DLG2: variants seen among roughly 807,000 people sequenced by gnomAD.
DLG2 encodes discs large MAGUK scaffold protein 2, also known as disks large homolog 2.
A neutral mutation model predicts 132.5 loss-of-function variants in DLG2; 45 were observed. That is an observed-to-expected ratio of 0.34 (90% confidence interval 0.27 to 0.44). The LOEUF (loss-of-function observed/expected upper bound fraction) is 0.44. Ranked by LOEUF, DLG2 falls within the 20% of genes least tolerant of loss-of-function variation. The probability of loss-of-function intolerance (pLI) is 1.00; values close to 1 mark genes in which losing one functional copy is unlikely to be tolerated. For missense variants in DLG2, 1,045 were observed against 1,196.9 expected, an observed-to-expected ratio of 0.87 and a Z score of 1.87; for synonymous variants, 424 against 419.6, an observed-to-expected ratio of 1.01 and a Z score of -0.13.
Position 84,281,425 on chromosome 11 carries a change from CT to C in DLG2, c.520-30135del, listed in dbSNP as rs201367147. Among the ~76,000 whole-genome samples, 1,358 of 151,122 alleles carry C rather than the reference CT, an allele frequency of 9.0e-3. 19 individuals are homozygous for C. The highest frequency in any genetic ancestry group is 0.031 in the African/African-American group (1,279 of 41,192). ...ACTTGTTTCTAAAAAACAAATAACT[CT>C]TTTTTTTTGTCTTTTTTTAAAATTA... is the stretch of plus-strand genomic sequence containing the variant. On this transcript the variant is annotated intron_variant, in intron 7 of 27. Coordinates refer to ENST00000376104, the MANE Select transcript of DLG2 (RefSeq NM_001142699.3).
chr11:84,704,128 C>T (rs576835447), intron 6 of DLG2, among the ~76,000 whole-genome samples: 2 of 151,156 alleles, frequency 1.3e-5, no homozygotes, highest in African/African-American at 2.4e-5. Flanking sequence ...CACTTGAAGA[C>T]AAGTCTTCAG....
At chr11:84,277,799 A>T (rs992452308) in intron 7 of DLG2, among the ~76,000 whole-genome samples, 2 of 152,214 alleles carry the variant, frequency 1.3e-5, no homozygotes, top group Non-Finnish European at 1.5e-5. Flanking sequence ...ACACTCTAGC[A>T]AGACTGATTA....
intron 19 of DLG2, among the ~76,000 whole-genome samples, chr11:83,579,805 C>G (rs1565893041): frequency 6.6e-6 from 1 of 151,722 alleles, no homozygotes; most frequent in Admixed American, 6.6e-5. Flanking sequence ...CCCGTCTCCA[C>G]TAAAAATACA....
chr11:85,450,510 C>T (rs1223541417), intron 3 of DLG2, among the ~76,000 whole-genome samples: 1 of 152,054 alleles, frequency 6.6e-6, no homozygotes, highest in Non-Finnish European at 1.5e-5. Flanking sequence ...TCTTTTTTGG[C>T]CCCCACAGAC....
chr11:83,791,139 C>G (rs1308381972), intron 17 of DLG2: 2 of 653,244 alleles, frequency 3.1e-6, no homozygotes, highest in Non-Finnish European at 5.5e-6. Context: ...CACGTCTCCT[C>G]AGAGTTTGTG....
At chr11:83,894,242 A>T (rs1326518607) in intron 15 of DLG2, among the ~76,000 whole-genome samples, 1 of 152,224 alleles carries the variant, frequency 6.6e-6, no homozygotes, top group Non-Finnish European at 1.5e-5. Context: ...TACAAATAGG[A>T]AGCAAGCCCA....
At chr11:84,917,030 A>T (rs1480337826) in intron 6 of DLG2, among the ~76,000 whole-genome samples, 1 of 152,184 alleles carries the variant, frequency 6.6e-6, no homozygotes, top group African/African-American at 2.4e-5. Context: ...TCCTTCCATG[A>T]TTTTTTGACT....
intron 14 of DLG2, among the ~76,000 whole-genome samples, chr11:83,957,026 G>A (rs1476316009): frequency 2.0e-5 from 3 of 152,244 alleles, no homozygotes; most frequent in South Asian, 2.1e-4. Context: ...GAAAAATAAC[G>A]TAGTTTGTAA....
At chr11:83,599,253 T>A (rs188318187) in intron 19 of DLG2, among the ~76,000 whole-genome samples, 1 of 152,300 alleles carries the variant, frequency 6.6e-6, no homozygotes, top group East Asian at 1.9e-4. Flanking sequence ...GCTCACCTTA[T>A]CACCTCTCGG....
intron 15 of DLG2, among the ~76,000 whole-genome samples, chr11:83,881,048 A>T (rs202105829): frequency 0.13 from 2,298 of 17,250 alleles, 35 homozygotes; most frequent in South Asian, 0.34. Flanking sequence ...CCATTTTTTT[A>T]AAAAAAATGA....
intron 16 of DLG2, among the ~76,000 whole-genome samples, chr11:83,842,608 C>A (rs1456393376): frequency 6.7e-6 from 1 of 148,464 alleles, no homozygotes; most frequent in African/African-American, 2.5e-5. Flanking sequence ...GCGGGTGGAT[C>A]ACGAGGTCAG....
At chr11:83,584,373 C>T (rs939514345) in intron 19 of DLG2, among the ~76,000 whole-genome samples, 1 of 152,156 alleles carries the variant, frequency 6.6e-6, no homozygotes, top group East Asian at 1.9e-4. Context: ...AACAATACGG[C>T]TAGCATAAGT....
At chr11:83,646,392 A>G (rs895068704) in intron 18 of DLG2, among the ~76,000 whole-genome samples, 1 of 151,484 alleles carries the variant, frequency 6.6e-6, no homozygotes, top group African/African-American at 2.4e-5. Flanking sequence ...GAAGGAAGGG[A>G]GGGAGGGAAA....
chr11:83,503,370 TA>T (rs1255532983), intron 21 of DLG2, among the ~76,000 whole-genome samples: 131 of 1,732 alleles, frequency 0.076, 5 homozygotes, highest in African/African-American at 0.13. Context: ...CACACCCATT[TA>T]TATATATATA....
At chr11:84,008,073 T>C (rs930533103) in intron 11 of DLG2, among the ~76,000 whole-genome samples, 1 of 151,820 alleles carries the variant, frequency 6.6e-6, no homozygotes, top group Non-Finnish European at 1.5e-5. Flanking sequence ...AAATGAGTTA[T>C]TAGACACACA....
chr11:85,428,601 C>G (rs935457686), intron 3 of DLG2, among the ~76,000 whole-genome samples: 1 of 151,960 alleles, frequency 6.6e-6, no homozygotes, highest in Admixed American at 6.6e-5. Flanking sequence ...CACAACATAC[C>G]AGAATCTGTG....
intron 9 of DLG2, among the ~76,000 whole-genome samples, chr11:84,148,005 C>T (rs993834768): frequency 4.0e-5 from 6 of 151,868 alleles, no homozygotes; most frequent in African/African-American, 1.5e-4. Context: ...GATAGTAGTA[C>T]CCCATTCATT....
intron 16 of DLG2, 115 bp downstream of exon 16, chr11:83,874,305 A>G (rs370423263): frequency 6.4e-6 from 2 of 313,564 alleles, no homozygotes; most frequent in African/African-American, 5.8e-5. Context: ...GGAAGGAAGG[A>G]AAGAAGGAAG....
At chr11:85,115,778 T>C (rs1464578039) in intron 5 of DLG2, among the ~76,000 whole-genome samples, 3 of 151,942 alleles carry the variant, frequency 2.0e-5, no homozygotes, top group African/African-American at 7.2e-5. Context: ...AAAGACATTA[T>C]TGGCCTTGTC....
Sources: allele counts gnomAD v4.1 joint callset (sites outside exome capture counted in the v4.1 genomes callset), GRCh38; gene constraint gnomAD v4.1.1; transcripts MANE v1.5; gene names NCBI Gene and HGNC (gene_info 2026-07-23, HGNC 2026-07-21).